Variants in DNAH3 observed in about 807,000 individuals in gnomAD.
DNAH3 encodes the protein dynein axonemal heavy chain 3.
DNAH3 carries 332 observed loss-of-function variants against 432.5 expected under a neutral mutation model. The observed-to-expected ratio is 0.77, with a 90% CI of 0.70 to 0.84. DNAH3 has a LOEUF of 0.84. Among genes scored for constraint, DNAH3 ranks in the 40% least tolerant of loss-of-function variants. The probability of loss-of-function intolerance (pLI) is 0.00; values close to 1 mark genes in which losing one functional copy is unlikely to be tolerated. For synonymous variants in DNAH3, 1,956 were observed against 1,900.2 expected, an observed-to-expected ratio of 1.03 and a Z score of -0.76; for missense variants, 4,861 against 5,114.0, an observed-to-expected ratio of 0.95 and a Z score of 1.51.
intron 58 of DNAH3, 137 bp downstream of exon 58, chr16:20,944,359 G>A (rs1360251642): frequency 3.1e-6 from 3 of 957,580 alleles, no homozygotes; most frequent in Non-Finnish European, 4.8e-6. Flanking sequence ...AGGCCACAGT[G>A]CTCCTTCCCT....
chr16:20,977,269 C>A (rs969309101), intron 50 of DNAH3, among the ~76,000 whole-genome samples: 1 of 151,998 alleles, frequency 6.6e-6, no homozygotes, highest in Admixed American at 6.6e-5. Flanking sequence ...CCCAGCTACT[C>A]GGGAGACTGA....
At chr16:21,147,121 G>A (rs995539513) in intron 1 of DNAH3, among the ~76,000 whole-genome samples, 3 of 151,876 alleles carry the variant, frequency 2.0e-5, no homozygotes, top group Non-Finnish European at 4.4e-5. Context: ...GAGCAAATTT[G>A]AATATTTTTC....
chr16:21,157,867 G>A (rs1383134474), intron 1 of DNAH3, among the ~76,000 whole-genome samples: 1 of 151,780 alleles, frequency 6.6e-6, no homozygotes, highest in Admixed American at 6.6e-5. Context: ...TCGGGACGAT[G>A]GGGCCTTCCA....
chr16:21,091,719 G>C (rs1223806645), intron 18 of DNAH3, among the ~76,000 whole-genome samples: 3 of 152,088 alleles, frequency 2.0e-5, no homozygotes, highest in African/African-American at 7.2e-5. Flanking sequence ...AGGAGGCTAA[G>C]GCAGGAGAAT....
In DNAH3 at chr16:20,959,500, T is replaced by C. The variant is rs2084717419; in HGVS notation, c.10601-96A>G. ...ACAATAACAACATGGCTGGGTGTGGTGGCTCACACCTGTAATCCCAACACT... is the reference window on the plus strand; with the variant it reads ...ACAATAACAACATGGCTGGGTGTGGCGGCTCACACCTGTAATCCCAACACT... On this transcript the variant is annotated intron_variant, in intron 53 of 61. Coordinates refer to ENST00000261383, the Ensembl canonical transcript of DNAH3. The C allele has an allele frequency of 3.2e-6, 4 of 1,263,094 alleles. No homozygotes were observed. In the Admixed American group the frequency reaches 5.8e-5, roughly 18 times the overall value. The allele number at this position is 1,263,094 out of a possible 1,614,324, so 78.2% of individuals were successfully genotyped here. A position where few individuals can be genotyped will look rare whatever the true frequency, so the allele number is the denominator to read the frequency against.
chr16:21,062,912 T>A, intron 24 of DNAH3: 1 of 498,754 alleles, frequency 2.0e-6, no homozygotes, highest in Non-Finnish European at 3.6e-6. Context: ...AGACTTGAAC[T>A]CCTGGGCTCA....
intron 18 of DNAH3, among the ~76,000 whole-genome samples, chr16:21,091,377 A>T (rs1352672662): frequency 6.6e-6 from 1 of 152,116 alleles, no homozygotes; most frequent in East Asian, 1.9e-4. Flanking sequence ...ATTGGAAAAA[A>T]AAAAGAAATA....
chr16:21,028,770 AC>A (rs1265658697), intron 37 of DNAH3, among the ~76,000 whole-genome samples: 1 of 152,230 alleles, frequency 6.6e-6, no homozygotes, highest in African/African-American at 2.4e-5. Flanking sequence ...AGTCAATGAC[AC>A]TGTTTCCTAC....
At chr16:21,001,847 T>C (rs1450259628) in intron 42 of DNAH3, among the ~76,000 whole-genome samples, 3 of 152,202 alleles carry the variant, frequency 2.0e-5, no homozygotes, top group African/African-American at 4.8e-5. Flanking sequence ...TTGGGTTTCA[T>C]AGATGTTTAT....
intron 21 of DNAH3, among the ~76,000 whole-genome samples, chr16:21,074,628 C>T (rs554920232): frequency 5.8e-4 from 89 of 152,140 alleles, no homozygotes; most frequent in Admixed American, 6.5e-5. Flanking sequence ...GTATGAGAAT[C>T]GCTTGAGCCT....
rs199617875 is a variant in DNAH3 at position 20,982,020 on chromosome 16, G to GTA, written c.7859+699_7859+700dup. The stretch of plus-strand genomic sequence containing the variant: ...TATAATATATAATATATATAATTAA[G>GTA]TATATATATATAATAAAGCACATAT... On this transcript the variant is annotated intron_variant, in intron 49 of 61. Transcript: ENST00000261383. Among the ~76,000 whole-genome samples, 1,218 of 147,108 alleles carry GTA rather than the reference G, an allele frequency of 8.3e-3. 20 individuals are homozygous for GTA. Among genetic ancestry groups the GTA allele is most frequent in the African/African-American group, 0.028 (1,124 of 40,464 alleles).
intron 60 of DNAH3, 66 bp downstream of exon 60, chr16:20,936,582 AT>A: frequency 6.9e-7 from 1 of 1,441,356 alleles, no homozygotes. Flanking sequence ...CTAGTCTGCC[AT>A]TTCAGAATGT....
intron 51 of DNAH3, among the ~76,000 whole-genome samples, chr16:20,974,589 T>TTG (rs1555514770): frequency 1.5e-5 from 2 of 137,248 alleles, no homozygotes; most frequent in East Asian, 2.2e-4. Context: ...GTTTTTTTTT[T>TTG]TTTTTTTTTT....
chr16:21,110,226 C>A (rs2092039137), intron 14 of DNAH3, among the ~76,000 whole-genome samples: 2 of 152,164 alleles, frequency 1.3e-5, no homozygotes, highest in African/African-American at 4.8e-5. Context: ...TATCGGGGAC[C>A]CCCACCCCTT....
intron 1 of DNAH3, among the ~76,000 whole-genome samples, chr16:21,155,480 G>A (rs1409339540): frequency 6.6e-6 from 1 of 151,826 alleles, no homozygotes; most frequent in Non-Finnish European, 1.5e-5. Flanking sequence ...AAATTAGCTG[G>A]GCGTGGCGGC....
chr16:21,027,242 G>T, intron 37 of DNAH3, 115 bp from the exon 38 acceptor site: 1 of 754,158 alleles, frequency 1.3e-6, no homozygotes, highest in Non-Finnish European at 2.3e-6. Flanking sequence ...TATTTCTTGA[G>T]CACTTATGAT....
intron 56 of DNAH3, 36 bp from the exon 57 acceptor site, chr16:20,948,673 G>C (rs2084169644): frequency 1.1e-5 from 18 of 1,611,690 alleles, no homozygotes; most frequent in Admixed American, 1.7e-5. Flanking sequence ...GTTGAGCCCA[G>C]GGAAGGTCAT....
At chr16:21,012,712 G>A (rs1470280266) in intron 41 of DNAH3, among the ~76,000 whole-genome samples, 7 of 152,052 alleles carry the variant, frequency 4.6e-5, no homozygotes, top group African/African-American at 7.2e-5. Context: ...TTAAGCTCAC[G>A]TGAAACATTC....
At chr16:20,963,791 G>C (rs988291346) in exon 53 of DNAH3, 2 of 1,613,924 alleles carry the variant, frequency 1.2e-6, no homozygotes, top group African/African-American at 2.7e-5. Context: ...TTCTCAAACA[G>C]AGAACGGCAC....
Sources: gnomAD v4.1 joint callset for allele counts (sites outside exome capture counted in the v4.1 genomes callset) on GRCh38, gnomAD v4.1.1 for gene constraint, MANE v1.5 for transcripts, NCBI Gene and HGNC (gene_info 2026-07-23, HGNC 2026-07-21) for gene names.